Variants in ZCCHC24 observed in about 807,000 individuals in gnomAD.
ZCCHC24 encodes the protein zinc finger CCHC domain-containing protein 24.
A neutral mutation model predicts 26.2 loss-of-function variants in ZCCHC24; 10 were observed. The observed-to-expected ratio is 0.38, with a 90% CI of 0.24 to 0.65. The LOEUF (loss-of-function observed/expected upper bound fraction) is 0.65, where lower values mean the gene tolerates loss of function less well. Among genes scored for constraint, ZCCHC24 ranks in the 30% least tolerant of loss-of-function variants. The pLI is 0.54. For missense variants in ZCCHC24, 243 were observed against 329.1 expected, an observed-to-expected ratio of 0.74 and a Z score of 2.03; for synonymous variants, 144 against 147.1, an observed-to-expected ratio of 0.98 and a Z score of 0.15.
intron 2 of ZCCHC24, among the ~76,000 whole-genome samples, chr10:79,398,906 T>G (rs563857691): frequency 6.6e-6 from 1 of 152,146 alleles, no homozygotes; most frequent in Admixed American, 6.5e-5. Context: ...CTTGCCAAAG[T>G]GCTTCCAGTG....
At chr10:79,417,464 G>A (rs1856879607) in intron 2 of ZCCHC24, among the ~76,000 whole-genome samples, 1 of 152,216 alleles carries the variant, frequency 6.6e-6, no homozygotes, top group African/African-American at 2.4e-5. Context: ...AGATCAGCAG[G>A]TCTACAGCAT....
intron 2 of ZCCHC24, among the ~76,000 whole-genome samples, chr10:79,400,385 A>C (rs1027323464): frequency 6.6e-6 from 1 of 152,228 alleles, no homozygotes; most frequent in Admixed American, 6.5e-5. Context: ...ATGAATGACA[A>C]TAAAGCCACT....
intron 2 of ZCCHC24, among the ~76,000 whole-genome samples, chr10:79,396,029 C>G (rs534641673): frequency 3.3e-5 from 5 of 152,322 alleles, no homozygotes; most frequent in African/African-American, 1.2e-4. Flanking sequence ...CCCACACAGC[C>G]CTAGGCAGCC....
chr10:79,392,790 C>T (rs147166126), intron 3 of ZCCHC24, among the ~76,000 whole-genome samples: 1 of 152,382 alleles, frequency 6.6e-6, no homozygotes, highest in Non-Finnish European at 1.5e-5. Context: ...TCCACTCTCA[C>T]CCTCATGCCT....
At chr10:79,445,092 G>A in intron 1 of ZCCHC24, 103 bp downstream of exon 1, 5 of 1,139,544 alleles carry the variant, frequency 4.4e-6, no homozygotes, top group Non-Finnish European at 5.6e-6. Flanking sequence ...ATGCGGAGCC[G>A]GGCCGCGCCA....
intron 2 of ZCCHC24, among the ~76,000 whole-genome samples, chr10:79,423,187 CATT>C (rs1453987080): frequency 6.6e-6 from 1 of 152,188 alleles, no homozygotes; most frequent in Non-Finnish European, 1.5e-5. Flanking sequence ...TTCAGGGCTT[CATT>C]ATGACTTCTG....
chr10:79,386,211 G>A lies in ZCCHC24; in HGVS notation c.*134C>T. 1 of 733,144 alleles carries A rather than the reference G, an allele frequency of 1.4e-6. No homozygotes were observed. The highest frequency in any genetic ancestry group is 2.4e-6 in the Non-Finnish European group (1 of 420,930). 45.4% of individuals were successfully genotyped at this position (733,144 alleles called of 1,614,324 possible). ...CACACACAAGACAAGGACGCTAAGA[G>A]CCCCCGGCCCAGCCCCGCAGGCCTG... On this transcript the variant is annotated 3_prime_UTR_variant, in exon 4 of 4. Transcript: ENST00000372336.
In ZCCHC24 at chr10:79,386,403, G is replaced by A. The variant is rs140605224; in HGVS notation, c.668C>T (p.Pro223Leu). ...LDVSDQSKEHPQHLCEKCKVL... is the reference protein window; with the variant it reads ...LDVSDQSKEHLQHLCEKCKVL... ...CTTGCACTTCTCGCAGAGGTGCTGC[G>A]GGTGCTCCTTGCTCTGGTCGGACAC... The change falls in exon 4 of 4, where the codon CCG (proline) becomes CTG (leucine). Residue 223 changes from proline to leucine, a missense_variant. Transcript: ENST00000372336. 202 of 1,612,234 alleles carry A rather than the reference G, an allele frequency of 1.3e-4. 1 individual carries two copies. Among genetic ancestry groups the A allele is most frequent in the Middle Eastern group, 6.6e-4 (4 of 6,050 alleles).
At chr10:79,444,251 T>C in intron 1 of ZCCHC24, 8 of 1,459,828 alleles carry the variant, frequency 5.5e-6, no homozygotes, top group Non-Finnish European at 7.2e-6. Context: ...CAGGAGTAAA[T>C]GGAGGGAGGG....
intron 2 of ZCCHC24, among the ~76,000 whole-genome samples, chr10:79,410,638 A>G (rs1245516091): frequency 6.6e-6 from 1 of 152,176 alleles, no homozygotes; most frequent in Non-Finnish European, 1.5e-5. Flanking sequence ...AGAGTTAAAT[A>G]TCAGCCCAGG....
chr10:79,426,345 A>C (rs1227916133), intron 2 of ZCCHC24, among the ~76,000 whole-genome samples: 1 of 152,258 alleles, frequency 6.6e-6, no homozygotes, highest in Non-Finnish European at 1.5e-5. Flanking sequence ...TAAAGCATTT[A>C]GATCATTTAA....
intron 1 of ZCCHC24, among the ~76,000 whole-genome samples, chr10:79,439,356 TC>T (rs1857260208): frequency 6.6e-6 from 1 of 152,230 alleles, no homozygotes; most frequent in Non-Finnish European, 1.5e-5. Context: ...CATATTTTTT[TC>T]TGTGAGACAA....
At chr10:79,440,222 C>T (rs1857273522) in intron 1 of ZCCHC24, among the ~76,000 whole-genome samples, 1 of 152,104 alleles carries the variant, frequency 6.6e-6, no homozygotes, top group South Asian at 2.1e-4. Context: ...GCCTTAGTTT[C>T]CCCATCCAGA....
chr10:79,399,227 G>A (rs528488036), intron 2 of ZCCHC24, among the ~76,000 whole-genome samples: 6 of 152,188 alleles, frequency 3.9e-5, no homozygotes, highest in Admixed American at 3.3e-4. Flanking sequence ...GTTCAGTCCC[G>A]ACGTTGTTTA....
In ZCCHC24 at chr10:79,445,254, G is replaced by A; in HGVS notation, c.187C>T (p.Leu63=). 8.5e-6 allele frequency: 12 copies of A among 1,418,502 alleles called. No individual in the cohort carries two copies. The highest frequency in any genetic ancestry group is 1.1e-5 in the Non-Finnish European group (12 of 1,081,738). 87.9% of individuals were successfully genotyped at this position (1,418,502 alleles called of 1,614,324 possible). ...TAGCTGGAGTGCAGGGGCGAGCCCA[G>A]CTGCTCGGGGCGGCCCTTGCCGAAG... The part of the protein sequence containing the change: ...LAFGKGRPEQ[L]GSPLHSSYLN... The change falls in exon 1 of 4, where the codon CTG becomes TTG. Residue 63 remains leucine, a synonymous_variant. Coordinates refer to ENST00000372336, the MANE Select transcript of ZCCHC24 (RefSeq NM_153367.4).
chr10:79,437,672 G>A (rs949662047), intron 1 of ZCCHC24, among the ~76,000 whole-genome samples: 1 of 152,228 alleles, frequency 6.6e-6, no homozygotes, highest in African/African-American at 2.4e-5. Flanking sequence ...TAGGCCCCTC[G>A]GCCCTGGCAA....
intron 1 of ZCCHC24, among the ~76,000 whole-genome samples, chr10:79,433,181 A>C (rs1243035541): frequency 6.6e-6 from 1 of 152,242 alleles, no homozygotes; most frequent in East Asian, 1.9e-4. Context: ...GGGCTCTGCC[A>C]CTAACTGGTG....
chr10:79,438,533 C>G (rs1857249318), intron 1 of ZCCHC24, among the ~76,000 whole-genome samples: 1 of 152,178 alleles, frequency 6.6e-6, no homozygotes, highest in Non-Finnish European at 1.5e-5. Context: ...AAAGCTGACC[C>G]ATGGGCCAGG....
chr10:79,441,408 G>C (rs1857290249), intron 1 of ZCCHC24, among the ~76,000 whole-genome samples: 1 of 152,108 alleles, frequency 6.6e-6, no homozygotes, highest in Non-Finnish European at 1.5e-5. Context: ...TGACACCCTT[G>C]CTACTGTTCT....
Sources: gnomAD v4.1 joint callset for allele counts (sites outside exome capture counted in the v4.1 genomes callset) on GRCh38, gnomAD v4.1.1 for gene constraint, MANE v1.5 for transcripts, NCBI Gene and HGNC (gene_info 2026-07-23, HGNC 2026-07-21) for gene names.